Variants in DNAH14 observed in about 807,000 individuals in gnomAD.
DNAH14 encodes the protein axonemal beta dynein heavy chain 14.
A neutral mutation model predicts 520.9 loss-of-function variants in DNAH14; 478 were observed. The ratio of observed to expected loss-of-function variants is 0.92; its 90% CI spans 0.85 to 0.99. The LOEUF is 0.99. Ranked by LOEUF, DNAH14 falls within the 50% of genes least tolerant of loss-of-function variation. The pLI, the probability that DNAH14 is intolerant of heterozygous loss-of-function variation, is 0.00. For missense variants in DNAH14, 4,831 were observed against 5,234.5 expected, an observed-to-expected ratio of 0.92 and a Z score of 2.38; for synonymous variants, 1,581 against 1,757.2, an observed-to-expected ratio of 0.90 and a Z score of 2.51.
At chr1:225,064,343 T>A (rs1558839059) in intron 17 of DNAH14, among the ~76,000 whole-genome samples, 1 of 152,132 alleles carries the variant, frequency 6.6e-6, no homozygotes, top group South Asian at 2.1e-4. Flanking sequence ...AATGGTACAG[T>A]CACTTTGGAA....
At chr1:225,236,641 G>A (rs565529419) in intron 42 of DNAH14, among the ~76,000 whole-genome samples, 5 of 152,154 alleles carry the variant, frequency 3.3e-5, no homozygotes, top group African/African-American at 1.2e-4. Context: ...GGGTGCTCCT[G>A]TATTGGGTGC....
At chr1:225,257,814 C>T (rs1422697576) in intron 44 of DNAH14, 146 bp from the exon 45 acceptor site, 9 of 605,916 alleles carry the variant, frequency 1.5e-5, no homozygotes, top group African/African-American at 7.9e-5. Flanking sequence ...GGATTACAGG[C>T]GTGAGCCACC....
intron 37 of DNAH14, among the ~76,000 whole-genome samples, chr1:225,190,760 A>G (rs551738922): frequency 2.2e-4 from 34 of 152,184 alleles, no homozygotes; most frequent in Non-Finnish European, 4.1e-4. Flanking sequence ...TCAGCAAGTC[A>G]AGGATTGAGG....
chr1:225,023,906 T>C, intron 11 of DNAH14, 41 bp downstream of exon 11: 3 of 1,491,764 alleles, frequency 2.0e-6, no homozygotes, highest in Non-Finnish European at 2.7e-6. Context: ...CTTACAATTA[T>C]AATATTTTAA....
At chr1:225,296,671 C>T (rs536133629) in intron 55 of DNAH14, among the ~76,000 whole-genome samples, 12 of 152,168 alleles carry the variant, frequency 7.9e-5, no homozygotes, top group South Asian at 2.1e-4. Context: ...TGTAAGGCTA[C>T]GCTAGGGGTG....
At chr1:225,025,656 G>T (rs963147313) in intron 11 of DNAH14, among the ~76,000 whole-genome samples, 1 of 152,066 alleles carries the variant, frequency 6.6e-6, no homozygotes, top group Non-Finnish European at 1.5e-5. Context: ...TCGGGAGGCT[G>T]AGGTGGGAGG....
chr1:225,134,393 A>G (rs116795306), intron 27 of DNAH14, among the ~76,000 whole-genome samples: 12,495 of 152,184 alleles, frequency 0.082, 1,660 homozygotes, highest in African/African-American at 0.28. Context: ...ATTTTGAGGA[A>G]TGTTCCTCTA....
At chr1:225,172,281 G>T (rs1454159279) in intron 36 of DNAH14, among the ~76,000 whole-genome samples, 2 of 152,192 alleles carry the variant, frequency 1.3e-5, no homozygotes, top group South Asian at 2.1e-4. Flanking sequence ...GGCAGGAGAA[G>T]GAAATAAAGG....
intron 64 of DNAH14, among the ~76,000 whole-genome samples, chr1:225,327,000 C>T (rs2094686065): frequency 6.6e-6 from 1 of 152,136 alleles, no homozygotes; most frequent in Non-Finnish European, 1.5e-5. Context: ...ATACTCCACC[C>T]CGCAACAACA....
At chr1:224,976,365 C>T (rs947345220) in intron 8 of DNAH14, among the ~76,000 whole-genome samples, 1 of 151,854 alleles carries the variant, frequency 6.6e-6, no homozygotes, top group Non-Finnish European at 1.5e-5. Context: ...GAGTCTAAGT[C>T]TCTACAACCA....
intron 17 of DNAH14, among the ~76,000 whole-genome samples, chr1:225,069,164 G>A (rs1225593640): frequency 1.3e-5 from 2 of 152,146 alleles, no homozygotes; most frequent in Admixed American, 6.6e-5. Context: ...TGCAAACAGG[G>A]ATACTTTGAC....
chr1:225,347,963 G>A (rs114764760), intron 71 of DNAH14, among the ~76,000 whole-genome samples: 40 of 152,116 alleles, frequency 2.6e-4, no homozygotes, highest in African/African-American at 5.1e-4. Context: ...ATAAATAACA[G>A]AGAACTAAAT....
chr1:225,358,340 C>T (rs892236723), intron 73 of DNAH14, among the ~76,000 whole-genome samples, 156 bp from the exon 74 acceptor site: 5 of 152,182 alleles, frequency 3.3e-5, no homozygotes, highest in Non-Finnish European at 5.9e-5. Context: ...GGTTTCTCCT[C>T]CATGCATAGT....
chr1:225,133,468 T>C (rs1426584558), intron 27 of DNAH14, among the ~76,000 whole-genome samples: 1 of 152,228 alleles, frequency 6.6e-6, no homozygotes, highest in Non-Finnish European at 1.5e-5. Context: ...CCCAGCACCA[T>C]TTCTTAAATA....
At position 225,290,064 on chromosome 1, in the gene DNAH14, C is replaced by A; in HGVS notation, c.8451C>A (p.Pro2817=). ...GGAAACCCACTGTTCTGATGGTTCCCAATTTAAACATAGAACAAGTAAGTA... is the reference window on the plus strand; with the variant it reads ...GGAAACCCACTGTTCTGATGGTTCCAAATTTAAACATAGAACAAGTAAGTA... The part of the protein sequence containing the change: ...LKGKPTVLMV[P]NLNIEQDSFL... Residue 2817 remains proline, a synonymous_variant, in exon 55 of 86, where the codon CCC becomes CCA. Coordinates refer to ENST00000682510, the MANE Select transcript of DNAH14 (RefSeq NM_001367479.1). 1 of 1,474,424 alleles carries A rather than the reference C, an allele frequency of 6.8e-7. No individual in the cohort carries two copies. The highest frequency in any genetic ancestry group is 9.0e-7 in the Non-Finnish European group (1 of 1,106,050). The allele number at this position is 1,474,424 out of a possible 1,614,324, so 91.3% of individuals were successfully genotyped here.
chr1:225,267,004 G>A (rs895350752), intron 49 of DNAH14, among the ~76,000 whole-genome samples: 1 of 152,060 alleles, frequency 6.6e-6, no homozygotes, highest in Non-Finnish European at 1.5e-5. Flanking sequence ...AAAATTGCAT[G>A]TATGTCCTCA....
intron 64 of DNAH14, among the ~76,000 whole-genome samples, chr1:225,328,675 A>G (rs562518437): frequency 6.6e-6 from 1 of 152,304 alleles, no homozygotes; most frequent in African/African-American, 2.4e-5. Context: ...ATCAAATCAC[A>G]TGAACATTCA....
intron 17 of DNAH14, among the ~76,000 whole-genome samples, chr1:225,070,362 T>G (rs912942286): frequency 6.6e-6 from 1 of 152,188 alleles, no homozygotes; most frequent in African/African-American, 2.4e-5. Context: ...AATTTTCCTC[T>G]TAATACTGCC....
At chr1:225,239,246 T>G (rs1428693965) in intron 42 of DNAH14, among the ~76,000 whole-genome samples, 1 of 152,154 alleles carries the variant, frequency 6.6e-6, no homozygotes, top group Non-Finnish European at 1.5e-5. Flanking sequence ...TAGGTCTCTG[T>G]GTGTGCCTGA....
Sources: allele counts gnomAD v4.1 joint callset (sites outside exome capture counted in the v4.1 genomes callset), GRCh38; gene constraint gnomAD v4.1.1; transcripts MANE v1.5; gene names NCBI Gene and HGNC (gene_info 2026-07-23, HGNC 2026-07-21).